ZNF423: variants seen among roughly 807,000 people sequenced by gnomAD.
ZNF423 encodes the protein zinc finger protein 423, also known as Ebf-associated zinc finger protein.
Under a neutral mutation model 95.8 loss-of-function variants are expected in ZNF423, and 12 were observed. The observed-to-expected ratio is 0.13, with a 90% CI of 0.08 to 0.20. The LOEUF is 0.20. Among genes scored for constraint, ZNF423 ranks in the 10% least tolerant of loss-of-function variants. The probability of loss-of-function intolerance (pLI) is 1.00; values close to 1 mark genes in which losing one functional copy is unlikely to be tolerated. For synonymous variants in ZNF423, 749 were observed against 711.9 expected, an observed-to-expected ratio of 1.05 and a Z score of -0.83; for missense variants, 1,316 against 1,737.1, an observed-to-expected ratio of 0.76 and a Z score of 4.31.
chr16:49,732,439 T>C (rs1458151295), intron 2 of ZNF423, among the ~76,000 whole-genome samples: 1 of 152,228 alleles, frequency 6.6e-6, no homozygotes, highest in African/African-American at 2.4e-5. Context: ...TCCCACAGCC[T>C]GTCCTGGAAA....
At chr16:49,547,521 G>A (rs950349622) in intron 5 of ZNF423, among the ~76,000 whole-genome samples, 1 of 152,196 alleles carries the variant, frequency 6.6e-6, no homozygotes, top group African/African-American at 2.4e-5. Context: ...GAGGATGTTT[G>A]CATTCATCAA....
chr16:49,784,377 A>G (rs1421636515), intron 2 of ZNF423, among the ~76,000 whole-genome samples: 1 of 152,172 alleles, frequency 6.6e-6, no homozygotes, highest in African/African-American at 2.4e-5. Flanking sequence ...CTCTAAAAAC[A>G]AAACAAAACT....
At chr16:49,731,236 G>A (rs1458389938) in intron 2 of ZNF423, 4 of 807,548 alleles carry the variant, frequency 5.0e-6, no homozygotes, top group Admixed American at 6.2e-5. Context: ...GCTGGGGGCC[G>A]TGACCCATCG....
At chr16:49,690,352 G>A (rs2031731057) in intron 3 of ZNF423, among the ~76,000 whole-genome samples, 1 of 152,174 alleles carries the variant, frequency 6.6e-6, no homozygotes, top group Admixed American at 6.5e-5. Context: ...GCAACATGGT[G>A]AGATCCCACC....
At chr16:49,853,346 G>A (rs2035322618) in intron 1 of ZNF423, among the ~76,000 whole-genome samples, 1 of 151,930 alleles carries the variant, frequency 6.6e-6, no homozygotes, top group South Asian at 2.1e-4. Context: ...CTCACCTGCT[G>A]GAACTCTTAT....
At chr16:49,748,959 G>C (rs1307855975) in intron 2 of ZNF423, among the ~76,000 whole-genome samples, 52 of 152,142 alleles carry the variant, frequency 3.4e-4, no homozygotes, top group Admixed American at 3.4e-3. Flanking sequence ...CCAGCGCATG[G>C]TAAAGACCAG....
rs1364872596 is a variant in ZNF423, at chr16:49,776,551, C to G, written c.100+12936G>C. 5.3e-5 allele frequency among the ~76,000 whole-genome samples: 8 copies of G among 152,244 alleles called. No individual in the cohort carries two copies. The East Asian group carries it at 1.4e-3, about 26-fold the overall frequency. ...AAGCTTCCCCCCAACCTGCAGCTGT[C>G]CAGCCTCCCCCAGCCCCGACCCTGG... On this transcript the variant is annotated intron_variant, in intron 2 of 7. Transcript: ENST00000563137.
intron 5 of ZNF423, among the ~76,000 whole-genome samples, chr16:49,585,656 C>A (rs990471103): frequency 6.6e-6 from 1 of 152,164 alleles, no homozygotes. Context: ...GGCAATTAGC[C>A]GGCTGACTGT....
chr16:49,524,211 G>T (rs1968514935), intron 6 of ZNF423, among the ~76,000 whole-genome samples: 1 of 152,220 alleles, frequency 6.6e-6, no homozygotes, highest in African/African-American at 2.4e-5. Context: ...AAACTGAGGT[G>T]CCAGGAATGT....
chr16:49,736,449 C>G (rs1158535331), intron 2 of ZNF423, among the ~76,000 whole-genome samples: 1 of 152,128 alleles, frequency 6.6e-6, no homozygotes, highest in Non-Finnish European at 1.5e-5. Context: ...GGGGGACATT[C>G]TATGAGCAAA....
At chr16:49,815,870 CA>C (rs1168729871) in intron 1 of ZNF423, among the ~76,000 whole-genome samples, 43 of 39,528 alleles carry the variant, frequency 1.1e-3, no homozygotes, top group East Asian at 4.3e-3. Flanking sequence ...TCCAAACAAA[CA>C]AAAAAAAAAA....
intron 3 of ZNF423, among the ~76,000 whole-genome samples, chr16:49,643,221 T>C (rs527773776): frequency 6.6e-6 from 1 of 152,134 alleles, no homozygotes; most frequent in African/African-American, 2.4e-5. Flanking sequence ...CAAAGTCCCC[T>C]CCAACATGAA....
At chr16:49,776,077 G>A (rs1404425133) in intron 2 of ZNF423, among the ~76,000 whole-genome samples, 2 of 152,242 alleles carry the variant, frequency 1.3e-5, no homozygotes, top group Non-Finnish European at 2.9e-5. Context: ...GAGAGGAGAT[G>A]CAGGAGCTCA....
intron 5 of ZNF423, among the ~76,000 whole-genome samples, chr16:49,571,630 C>G (rs1402492468): frequency 2.0e-5 from 3 of 152,130 alleles, no homozygotes; most frequent in Admixed American, 2.0e-4. Context: ...ACTGAAGGCT[C>G]CAGACAGGGA....
At chr16:49,585,816 T>C (rs76479339) in intron 5 of ZNF423, among the ~76,000 whole-genome samples, 2,731 of 152,268 alleles carry the variant, frequency 0.018, 84 homozygotes, top group African/African-American at 0.061. Context: ...AGGCAAGCCA[T>C]GGAGTCAGAC....
intron 1 of ZNF423, among the ~76,000 whole-genome samples, chr16:49,834,860 T>C (rs1046314059): frequency 2.0e-4 from 29 of 141,654 alleles, no homozygotes; most frequent in Admixed American, 1.9e-3. Context: ...GGGACTAAAG[T>C]GGGTCAAGGA....
At chr16:49,498,595 CTCCAGCCAAAAAGGTGTG>C (rs922905381) in intron 7 of ZNF423, among the ~76,000 whole-genome samples, 18 of 152,162 alleles carry the variant, frequency 1.2e-4, no homozygotes, top group Non-Finnish European at 2.5e-4. Flanking sequence ...AAGCTCATGC[CTCCAGCCAAAAAGGTGTG>C]TCAGCAGGGC....
At chr16:49,626,768 C>T (rs960005188) in intron 4 of ZNF423, among the ~76,000 whole-genome samples, 6 of 151,088 alleles carry the variant, frequency 4.0e-5, no homozygotes, top group Non-Finnish European at 8.9e-5. Context: ...CCAATAGACC[C>T]ATCCATCCAT....
At chr16:49,646,159 G>C (rs1973161601) in intron 3 of ZNF423, among the ~76,000 whole-genome samples, 1 of 152,202 alleles carries the variant, frequency 6.6e-6, no homozygotes, top group African/African-American at 2.4e-5. Flanking sequence ...CAACCGAGGA[G>C]AGCCAGTCAG....
Sources: allele counts gnomAD v4.1 joint callset (sites outside exome capture counted in the v4.1 genomes callset), GRCh38; gene constraint gnomAD v4.1.1; transcripts MANE v1.5; gene names NCBI Gene and HGNC (gene_info 2026-07-23, HGNC 2026-07-21).